Variants in ASAP2 observed in about 807,000 individuals in gnomAD.
ASAP2 encodes arf-GAP with SH3 domain, ANK repeat and PH domain-containing protein 2.
A neutral mutation model predicts 131.4 loss-of-function variants in ASAP2; 45 were observed. The observed-to-expected ratio is 0.34, with a 90% CI of 0.27 to 0.44. The LOEUF (loss-of-function observed/expected upper bound fraction) is 0.44, where lower values mean the gene tolerates loss of function less well. Among genes scored for constraint, ASAP2 ranks in the 20% least tolerant of loss-of-function variants. The pLI is 1.00. For synonymous variants in ASAP2, 510 were observed against 503.0 expected (o/e 1.01, Z -0.19); for missense variants, 1,011 against 1,297.0 (o/e 0.78, Z 3.39).
intron 2 of ASAP2, among the ~76,000 whole-genome samples, chr2:9,282,726 A>AT (rs1277010532): frequency 6.6e-6 from 1 of 152,196 alleles, no homozygotes; most frequent in Non-Finnish European, 1.5e-5. Flanking sequence ...GTGAGAATAA[A>AT]TTAGCATTTA....
chr2:9,330,544 T>C (rs1253242696), intron 7 of ASAP2, among the ~76,000 whole-genome samples: 1 of 152,184 alleles, frequency 6.6e-6, no homozygotes, highest in Non-Finnish European at 1.5e-5. Context: ...TTGTACCCCA[T>C]GAATTTATAT....
chr2:9,271,856 A>G (rs1196582985), intron 1 of ASAP2, among the ~76,000 whole-genome samples: 2 of 151,756 alleles, frequency 1.3e-5, no homozygotes, highest in African/African-American at 2.4e-5. Flanking sequence ...AATAACCTCT[A>G]TTTCCATCCA....
chr2:9,342,118 C>G (rs1671625336), intron 9 of ASAP2, among the ~76,000 whole-genome samples: 1 of 152,194 alleles, frequency 6.6e-6, no homozygotes, highest in African/African-American at 2.4e-5. Flanking sequence ...AGTGCAGTCC[C>G]CATCAGAAAT....
rs184748000 is a variant in ASAP2, at chr2:9,390,562, C to T, written c.2384-500C>T. Among the ~76,000 whole-genome samples, 82 of 152,298 alleles carry T rather than the reference C, an allele frequency of 5.4e-4. No homozygotes were observed. The Middle Eastern group carries it at 0.01, about 19-fold the overall frequency. ...CTGCTTCCAGCCAGAAATATGTTTG[C>T]GGGAGGGAGGGAGAGAGAGCCCCTC... On this transcript the variant is annotated intron_variant, in intron 22 of 27. Transcript: ENST00000281419.
chr2:9,364,800 A>C (rs7570823), intron 15 of ASAP2, among the ~76,000 whole-genome samples: 2,825 of 152,318 alleles, frequency 0.019, 82 homozygotes, highest in African/African-American at 0.064. Flanking sequence ...GAAATTGACT[A>C]TCAGTGGTCA....
intron 27 of ASAP2, among the ~76,000 whole-genome samples, chr2:9,401,749 G>T (rs1676698758): frequency 6.6e-6 from 1 of 152,240 alleles, no homozygotes; most frequent in South Asian, 2.1e-4. Context: ...GACCTAGAGC[G>T]CAGAGCCCCA....
intron 7 of ASAP2, among the ~76,000 whole-genome samples, chr2:9,330,749 A>C (rs1455489651): frequency 6.6e-6 from 1 of 152,172 alleles, no homozygotes; most frequent in Non-Finnish European, 1.5e-5. Context: ...TTTTAAGAAG[A>C]AGCTATTCTG....
At chr2:9,359,223 A>G (rs1672927578) in intron 15 of ASAP2, among the ~76,000 whole-genome samples, 1 of 152,272 alleles carries the variant, frequency 6.6e-6, no homozygotes, top group South Asian at 2.1e-4. Flanking sequence ...CAACGTCTAA[A>G]GACAGGAAAG....
chr2:9,323,394 C>A, intron 6 of ASAP2, 144 bp downstream of exon 6: 1 of 1,272,214 alleles, frequency 7.9e-7, no homozygotes, highest in Non-Finnish European at 1.1e-6. Flanking sequence ...GTTGACATTT[C>A]TTTTACTAGG....
intron 1 of ASAP2, among the ~76,000 whole-genome samples, chr2:9,216,584 C>T (rs969771626): frequency 1.3e-5 from 2 of 151,526 alleles, no homozygotes; most frequent in African/African-American, 4.9e-5. Context: ...CCTCAGCCTC[C>T]TGAGTAGCTG....
chr2:9,317,751 CTCACAT>C (rs1270578926), intron 3 of ASAP2, among the ~76,000 whole-genome samples: 2 of 151,632 alleles, frequency 1.3e-5, no homozygotes, highest in African/African-American at 4.8e-5. Context: ...CACACTCACA[CTCACAT>C]CCGTACACAA....
intron 2 of ASAP2, among the ~76,000 whole-genome samples, chr2:9,289,165 T>C (rs1667642963): frequency 6.6e-6 from 1 of 152,240 alleles, no homozygotes; most frequent in African/African-American, 2.4e-5. Flanking sequence ...GCCTTTTGGC[T>C]GCTCTCCGTT....
At chr2:9,261,547 A>G (rs1665574316) in intron 1 of ASAP2, among the ~76,000 whole-genome samples, 1 of 152,222 alleles carries the variant, frequency 6.6e-6, no homozygotes, top group Non-Finnish European at 1.5e-5. Flanking sequence ...TAGAGTACAC[A>G]CCTACTGCTG....
At chr2:9,302,702 T>A (rs1558311330) in intron 3 of ASAP2, among the ~76,000 whole-genome samples, 1 of 152,126 alleles carries the variant, frequency 6.6e-6, no homozygotes, top group Non-Finnish European at 1.5e-5. Flanking sequence ...CTCGAACTCC[T>A]GACCTCAAGT....
chr2:9,395,851 C>A (rs772757742), intron 24 of ASAP2, among the ~76,000 whole-genome samples: 28 of 151,982 alleles, frequency 1.8e-4, no homozygotes, highest in Non-Finnish European at 4.0e-4. Context: ...TCGTGATCTG[C>A]CCTCCTCGGC....
At chr2:9,292,785 CAT>C (rs1667901977) in intron 2 of ASAP2, among the ~76,000 whole-genome samples, 2 of 152,240 alleles carry the variant, frequency 1.3e-5, no homozygotes, top group Non-Finnish European at 2.9e-5. Flanking sequence ...CAGCCATGAG[CAT>C]ATGTGTCCTT....
chr2:9,271,021 G>A (rs889759697), intron 1 of ASAP2, among the ~76,000 whole-genome samples: 2 of 151,414 alleles, frequency 1.3e-5, no homozygotes, highest in Admixed American at 6.6e-5. Flanking sequence ...TCTCGATCTC[G>A]TGACCTCGTG....
At chr2:9,270,651 A>C (rs1666282464) in intron 1 of ASAP2, among the ~76,000 whole-genome samples, 2 of 151,700 alleles carry the variant, frequency 1.3e-5, no homozygotes, top group Non-Finnish European at 2.9e-5. Flanking sequence ...GTTTCTATCA[A>C]ATACTAGATC....
At chr2:9,325,617 T>C (rs1670431067) in intron 6 of ASAP2, among the ~76,000 whole-genome samples, 1 of 152,214 alleles carries the variant, frequency 6.6e-6, no homozygotes, top group African/African-American at 2.4e-5. Flanking sequence ...TGAGGAGTAA[T>C]TGGTTCCCCA....
Sources: gnomAD v4.1 joint callset for allele counts (sites outside exome capture counted in the v4.1 genomes callset) on GRCh38, gnomAD v4.1.1 for gene constraint, MANE v1.5 for transcripts, NCBI Gene and HGNC (gene_info 2026-07-23, HGNC 2026-07-21) for gene names.